COL6A5: variants seen among roughly 807,000 people sequenced by gnomAD.
COL6A5 encodes collagen alpha-5(VI) chain.
In COL6A5, 48 loss-of-function variants were observed where a neutral mutation model predicts 65.6. The observed-to-expected ratio is 0.73, with a 90% CI of 0.58 to 0.93. The LOEUF (loss-of-function observed/expected upper bound fraction) is 0.93, where lower values mean the gene tolerates loss of function less well. Among genes scored for constraint, COL6A5 ranks in the 40% least tolerant of loss-of-function variants. The pLI, the probability that COL6A5 is intolerant of heterozygous loss-of-function variation, is 0.00. For missense variants in COL6A5, 914 were observed against 928.3 expected (o/e 0.98, Z 0.20); for synonymous variants, 291 against 322.8 (o/e 0.90, Z 1.05).
At chr3:130,387,395 C>G (rs1392919972) in intron 5 of COL6A5, among the ~76,000 whole-genome samples, 1 of 152,058 alleles carries the variant, frequency 6.6e-6, no homozygotes, top group Non-Finnish European at 1.5e-5. Context: ...GGAAGTAGAT[C>G]CTGTGAATAC....
At chr3:130,421,553 A>G (rs188567917) in intron 27 of COL6A5, among the ~76,000 whole-genome samples, 193 bp downstream of exon 27, 13 of 152,256 alleles carry the variant, frequency 8.5e-5, no homozygotes, top group Admixed American at 5.9e-4. Flanking sequence ...TGTTCTGTCC[A>G]TCATTGCCTG....
rs563372135 is a variant in COL6A5 at position 130,405,789 on chromosome 3, A to T, written c.4353+130A>T. 60 of 927,200 alleles carry T rather than the reference A, an allele frequency of 6.5e-5. No individual in the cohort carries two copies. The East Asian group carries it at 7.6e-4, about 12-fold the overall frequency. 57.4% of individuals were successfully genotyped at this position (927,200 alleles called of 1,614,324 possible). On this transcript the variant is annotated intron_variant and NMD_transcript_variant, in intron 14 of 41. Coordinates refer to the COL6A5 transcript ENST00000312481. Reference sequence around the variant, plus strand: ...TCTTTTCCTTTCTCCAGTTATATAGATGAGTTTTCCTGTCTGCAGACTAAT... The same window carrying T: ...TCTTTTCCTTTCTCCAGTTATATAGTTGAGTTTTCCTGTCTGCAGACTAAT...
In COL6A5 at chr3:130,440,826, G is replaced by GT; in HGVS notation, c.1241+2dup. 6.2e-7 allele frequency: 1 copy of GT among 1,601,996 alleles called. No individual in the cohort carries two copies. Among genetic ancestry groups the GT allele is most frequent in the South Asian group, 1.1e-5 (1 of 90,108 alleles). On this transcript the variant is annotated splice_donor_variant, in intron 3 of 7. Transcript: ENST00000512836. LOFTEE classifies it high-confidence loss of function. ...AAGCCATTTTTATACTCGGTCAGGCGTAAGTTATTATTTCATTGTTTGTCT... is the reference window on the plus strand; with the variant it reads ...AAGCCATTTTTATACTCGGTCAGGCGTTAAGTTATTATTTCATTGTTTGTCT...
intron 1 of COL6A5, among the ~76,000 whole-genome samples, chr3:130,366,502 A>G (rs1935346642): frequency 6.6e-6 from 1 of 152,214 alleles, no homozygotes; most frequent in African/African-American, 2.4e-5. Context: ...TCTATAGCTC[A>G]AGTCCAACCC....
intron 22 of COL6A5, 90 bp from the exon 23 acceptor site, chr3:130,415,555 T>C (rs1937313130): frequency 1.6e-6 from 2 of 1,227,108 alleles, no homozygotes; most frequent in Non-Finnish European, 2.3e-6. Flanking sequence ...GGCTGGACCA[T>C]TGCTTTTCTG....
intron 18 of COL6A5, 42 bp from the exon 19 acceptor site, chr3:130,409,967 A>G (rs773908145): frequency 1.3e-4 from 178 of 1,356,530 alleles, no homozygotes; most frequent in Non-Finnish European, 1.8e-4. Context: ...GAAAAAGCTG[A>G]TATTTCTGGA....
intron 3 of COL6A5, among the ~76,000 whole-genome samples, chr3:130,377,336 G>A (rs543958026): frequency 7.9e-5 from 12 of 152,320 alleles, no homozygotes; most frequent in East Asian, 5.8e-4. Flanking sequence ...GAATTAATAC[G>A]TGAGGATCTT....
intron 23 of COL6A5, 82 bp downstream of exon 23, chr3:130,415,789 T>G: frequency 8.5e-7 from 1 of 1,173,692 alleles, no homozygotes; most frequent in Non-Finnish European, 1.2e-6. Flanking sequence ...ACATATAATT[T>G]TTTGTATTAT....
At chr3:130,384,191 G>A (rs1309124940) in intron 4 of COL6A5, among the ~76,000 whole-genome samples, 1 of 151,982 alleles carries the variant, frequency 6.6e-6, no homozygotes, top group East Asian at 1.9e-4. Context: ...AAGACCCAGG[G>A]ACACGTTCTA....
chr3:130,395,311 G>T, exon 8 of COL6A5: 1 of 1,551,438 alleles, frequency 6.4e-7, no homozygotes, highest in South Asian at 1.2e-5. Flanking sequence ...TTTGTGTCCT[G>T]GTTTTGGGCA....
exon 7 of COL6A5, chr3:130,470,960 A>G (rs1167832524): frequency 6.2e-7 from 1 of 1,610,164 alleles, no homozygotes; most frequent in Non-Finnish European, 8.5e-7. Context: ...CACAGAAAAC[A>G]CTGTATTGTG....
chr3:130,422,741 A>G (rs1937538925), exon 28 of COL6A5: 1 of 1,531,986 alleles, frequency 6.5e-7, no homozygotes, highest in Admixed American at 2.1e-5. Context: ...TAATCCTGGA[A>G]TTCCTGGGGG....
At chr3:130,403,724 C>CACAA in intron 13 of COL6A5, 62 bp downstream of exon 13, 1 of 1,005,470 alleles carries the variant, frequency 9.9e-7, no homozygotes, top group Non-Finnish European at 1.4e-6. Context: ...CACACACACA[C>CACAA]ACACAAACAC....
chr3:130,401,268 C>A, intron 11 of COL6A5, 95 bp downstream of exon 11: 1 of 1,099,106 alleles, frequency 9.1e-7, no homozygotes, highest in African/African-American at 1.6e-5. Context: ...TTTGTTTACC[C>A]CCACTAAATT....
At chr3:130,415,687 C>T (rs1937316694) in exon 23 of COL6A5, 2 of 1,548,304 alleles carry the variant, frequency 1.3e-6, no homozygotes, top group Non-Finnish European at 1.7e-6. Flanking sequence ...AAAAGGAAGC[C>T]AGGGGCAGAA....
At position 130,387,644 on chromosome 3, in the gene COL6A5, T is replaced by C. The variant is rs773305031; in HGVS notation, c.1862-936T>C. On this transcript the variant is annotated intron_variant and NMD_transcript_variant, in intron 5 of 41. Transcript: ENST00000312481. ...TTAAGTAATAGTTAACATCTTTTCATTTTTTTAATATATGGCTGATGCTAT... is the reference window on the plus strand; with the variant it reads ...TTAAGTAATAGTTAACATCTTTTCACTTTTTTAATATATGGCTGATGCTAT... Among the ~76,000 whole-genome samples, 15 of 152,132 alleles carry C rather than the reference T, an allele frequency of 9.9e-5. No individual in the cohort carries two copies. In the Middle Eastern group the frequency reaches 0.01, roughly 103 times the overall value.
chr3:130,433,290 A>G (rs1320999680), intron 1 of COL6A5, among the ~76,000 whole-genome samples: 1 of 152,190 alleles, frequency 6.6e-6, no homozygotes, highest in African/African-American at 2.4e-5. Context: ...AAATTCCAGA[A>G]TACAAGAAAT....
intron 29 of COL6A5, among the ~76,000 whole-genome samples, chr3:130,424,670 G>C (rs1004153085): frequency 6.6e-6 from 1 of 152,150 alleles, no homozygotes; most frequent in Non-Finnish European, 1.5e-5. Flanking sequence ...CAAAAAACGT[G>C]AATGGTTTTG....
At chr3:130,354,743 C>T (rs1934860609) in intron 1 of COL6A5, among the ~76,000 whole-genome samples, 1 of 152,142 alleles carries the variant, frequency 6.6e-6, no homozygotes, top group Admixed American at 6.6e-5. Flanking sequence ...ATCTCTTTAG[C>T]CTGGGACTCT....
Sources: allele counts gnomAD v4.1 joint callset (sites outside exome capture counted in the v4.1 genomes callset), GRCh38; gene constraint gnomAD v4.1.1; transcripts MANE v1.5; gene names NCBI Gene and HGNC (gene_info 2026-07-23, HGNC 2026-07-21).